Variants in ZNF804A observed in about 807,000 individuals in gnomAD.
ZNF804A encodes the protein zinc finger protein 804A.
In ZNF804A, 2 loss-of-function variants were observed where a neutral mutation model predicts 16.5. The observed-to-expected ratio is 0.12, with a 90% CI of 0.05 to 0.38. The LOEUF is 0.38. Among genes scored for constraint, ZNF804A ranks in the 10% least tolerant of loss-of-function variants. ZNF804A has a pLI of 0.99. For missense variants in ZNF804A, 1,473 were observed against 1,390.7 expected (o/e 1.06, Z -0.94); for synonymous variants, 534 against 489.6 (o/e 1.09, Z -1.20).
chr2:184,769,292 C>G (rs1357931306), intron 1 of ZNF804A, among the ~76,000 whole-genome samples: 2 of 152,010 alleles, frequency 1.3e-5, no homozygotes, highest in African/African-American at 4.8e-5. Context: ...CAACAGGCTC[C>G]CGAGAACCTA....
At chr2:184,864,778 T>A (rs1695849505) in intron 1 of ZNF804A, among the ~76,000 whole-genome samples, 1 of 152,046 alleles carries the variant, frequency 6.6e-6, no homozygotes, top group South Asian at 2.1e-4. Context: ...GGAGGATAAG[T>A]GCCATTGCCA....
chr2:184,780,784 A>G (rs563003148), intron 1 of ZNF804A, among the ~76,000 whole-genome samples: 8 of 151,948 alleles, frequency 5.3e-5, no homozygotes, highest in Admixed American at 2.0e-4. Context: ...ATTCTCTTCA[A>G]TAATGGATTG....
In ZNF804A at chr2:184,936,870, A is replaced by G. The variant is rs61739290; in HGVS notation, c.1474A>G (p.Ile492Val). ...DLCSQQKQED[I>V]CMGPLSDYKD... Reference sequence around the variant, plus strand: ...TTGTTCTCAGCAGAAGCAGGAAGACATTTGCATGGGACCACTTTCAGATTA... The same window carrying G: ...TTGTTCTCAGCAGAAGCAGGAAGACGTTTGCATGGGACCACTTTCAGATTA... The change falls in exon 4 of 4, where the codon ATT becomes GTT. Residue 492 changes from isoleucine (I) to valine (V), a missense_variant. Transcript: ENST00000302277. 106,488 of 1,613,082 alleles carry G rather than the reference A, an allele frequency of 0.066. 3,839 individuals are homozygous for G. The highest frequency in any genetic ancestry group is 0.082 in the Middle Eastern group (494 of 6,054).
At chr2:184,660,315 C>T (rs1470523840) in intron 1 of ZNF804A, among the ~76,000 whole-genome samples, 2 of 152,056 alleles carry the variant, frequency 1.3e-5, no homozygotes, top group African/African-American at 4.8e-5. Context: ...TTATTCTTGC[C>T]AGCTACTTTT....
intron 2 of ZNF804A, among the ~76,000 whole-genome samples, chr2:184,874,681 T>A (rs1188158632): frequency 6.6e-6 from 1 of 152,158 alleles, no homozygotes; most frequent in Non-Finnish European, 1.5e-5. Flanking sequence ...AAATTTTCTA[T>A]GAAAAATCAA....
chr2:184,602,447 T>C (rs1691065044), intron 1 of ZNF804A, among the ~76,000 whole-genome samples: 1 of 151,970 alleles, frequency 6.6e-6, no homozygotes, highest in African/African-American at 2.4e-5. Flanking sequence ...TTCCATCTAA[T>C]CTCATTCTTT....
chr2:184,640,637 A>G (rs1691780163), intron 1 of ZNF804A, among the ~76,000 whole-genome samples: 5 of 152,134 alleles, frequency 3.3e-5, no homozygotes, highest in Admixed American at 3.3e-4. Context: ...GATATATAAT[A>G]TCAGGTGAGG....
chr2:184,631,225 C>G (rs575725702), intron 1 of ZNF804A, among the ~76,000 whole-genome samples: 2 of 152,096 alleles, frequency 1.3e-5, no homozygotes, highest in South Asian at 4.1e-4. Context: ...CAAATTTTAC[C>G]ATATACGTAA....
chr2:184,875,355 T>C (rs1696037985), intron 2 of ZNF804A, among the ~76,000 whole-genome samples: 1 of 152,136 alleles, frequency 6.6e-6, no homozygotes, highest in South Asian at 2.1e-4. Context: ...TGGCAATGAG[T>C]GAGTTGTCAC....
intron 1 of ZNF804A, among the ~76,000 whole-genome samples, chr2:184,796,548 T>A (rs942449092): frequency 6.6e-6 from 1 of 152,176 alleles, no homozygotes; most frequent in African/African-American, 2.4e-5. Flanking sequence ...GATCTTTTTA[T>A]TTCAGTAGTG....
chr2:184,852,666 G>A (rs781282850), intron 1 of ZNF804A, among the ~76,000 whole-genome samples: 6 of 151,450 alleles, frequency 4.0e-5, no homozygotes, highest in Non-Finnish European at 5.9e-5. Flanking sequence ...TTCTGCATGT[G>A]GATATTTAGT....
At chr2:184,903,221 T>A (rs1358056906) in intron 2 of ZNF804A, among the ~76,000 whole-genome samples, 1 of 152,120 alleles carries the variant, frequency 6.6e-6, no homozygotes, top group Non-Finnish European at 1.5e-5. Context: ...TCTGACTCAG[T>A]AGAAATCTCC....
chr2:184,874,111 A>G (rs1696016602), intron 2 of ZNF804A, among the ~76,000 whole-genome samples: 1 of 152,150 alleles, frequency 6.6e-6, no homozygotes, highest in African/African-American at 2.4e-5. Context: ...TGCAAAGACT[A>G]CACCTTTTTT....
rs779259895 is a variant in ZNF804A, at chr2:184,938,724, G to A, written c.3328G>A (p.Ala1110Thr). 1.9e-6 allele frequency: 3 copies of A among 1,607,030 alleles called. No homozygotes were observed. Among genetic ancestry groups the A allele is most frequent in the Non-Finnish European group, 2.5e-6 (3 of 1,176,696 alleles). Residue 1110 changes from alanine (A) to threonine (T), a missense_variant, in exon 4 of 4, where the codon GCT becomes ACT. Transcript: ENST00000302277. Reference sequence around the variant, plus strand: ...TGTTTTGCAGCAGCACGCTGCAGCTGCTGCAGCTGCAGCTGCAGCCGCAGC... The same window carrying A: ...TGTTTTGCAGCAGCACGCTGCAGCTACTGCAGCTGCAGCTGCAGCCGCAGC... ...HTVLQQHAAA[A>T]AAAAAAAAAG...
At chr2:184,746,869 G>C (rs1693796683) in intron 1 of ZNF804A, among the ~76,000 whole-genome samples, 1 of 151,208 alleles carries the variant, frequency 6.6e-6, no homozygotes, top group African/African-American at 2.4e-5. Flanking sequence ...CCACATTATT[G>C]CAAATGACAG....
At chr2:184,709,815 G>A (rs1693095499) in intron 1 of ZNF804A, among the ~76,000 whole-genome samples, 1 of 148,314 alleles carries the variant, frequency 6.7e-6, no homozygotes, top group African/African-American at 2.5e-5. Flanking sequence ...AAAATATTGT[G>A]TATTTTAATA....
intron 2 of ZNF804A, among the ~76,000 whole-genome samples, chr2:184,883,597 C>T (rs576560719): frequency 1.3e-5 from 2 of 152,102 alleles, no homozygotes; most frequent in South Asian, 4.2e-4. Flanking sequence ...AAAAGCTAAT[C>T]CACCACAATC....
At chr2:184,871,786 T>C (rs1041038636) in intron 2 of ZNF804A, among the ~76,000 whole-genome samples, 6 of 152,166 alleles carry the variant, frequency 3.9e-5, no homozygotes, top group African/African-American at 1.2e-4. Context: ...AATATTTTAG[T>C]TTAGTTTACT....
chr2:184,680,470 C>G (rs1171986043), intron 1 of ZNF804A, among the ~76,000 whole-genome samples: 1 of 152,224 alleles, frequency 6.6e-6, no homozygotes, highest in African/African-American at 2.4e-5. Flanking sequence ...GGTCTCCTCA[C>G]TGCTGAGATC....
Sources: allele counts gnomAD v4.1 joint callset (sites outside exome capture counted in the v4.1 genomes callset), GRCh38; gene constraint gnomAD v4.1.1; transcripts MANE v1.5; gene names NCBI Gene and HGNC (gene_info 2026-07-23, HGNC 2026-07-21).